BPI: variants seen among roughly 807,000 people sequenced by gnomAD.
The protein encoded by BPI is bactericidal permeability increasing protein.
BPI carries 48 observed loss-of-function variants against 57.6 expected under a neutral mutation model. The ratio of observed to expected loss-of-function variants is 0.83; its 90% CI spans 0.66 to 1.06. The LOEUF is 1.06. Ranked by LOEUF, BPI falls within the 50% of genes least tolerant of loss-of-function variation. The probability of loss-of-function intolerance (pLI) is 0.00; values close to 1 mark genes in which losing one functional copy is unlikely to be tolerated. For synonymous variants in BPI, 237 were observed against 238.2 expected (o/e 0.99, Z 0.05); for missense variants, 651 against 609.7 (o/e 1.07, Z -0.71).
At chr20:38,316,776 T>G (rs1460231495) in intron 5 of BPI, among the ~76,000 whole-genome samples, 1 of 152,186 alleles carries the variant, frequency 6.6e-6, no homozygotes, top group Non-Finnish European at 1.5e-5. Context: ...CATTGAAGGC[T>G]GTTCTTAGGG....
intron 7 of BPI, among the ~76,000 whole-genome samples, chr20:38,321,478 C>T (rs879705028): frequency 8.5e-5 from 13 of 152,052 alleles, no homozygotes; most frequent in African/African-American, 1.9e-4. Context: ...ACCTCTACCC[C>T]GCTGGCTTCT....
intron 9 of BPI, 36 bp from the exon 10 acceptor site, chr20:38,326,229 C>A: frequency 6.3e-7 from 1 of 1,585,530 alleles, no homozygotes; most frequent in African/African-American, 1.3e-5. Context: ...AACAGAAACT[C>A]CTCCTTTCGT....
intron 5 of BPI, among the ~76,000 whole-genome samples, chr20:38,312,161 T>G (rs545153627): frequency 3.3e-5 from 5 of 151,868 alleles, no homozygotes; most frequent in South Asian, 2.1e-4. Context: ...CAGCAAACTT[T>G]CCCTCATGCC....
chr20:38,325,598 C>T (rs1025209970), intron 9 of BPI, among the ~76,000 whole-genome samples: 5 of 152,184 alleles, frequency 3.3e-5, no homozygotes, highest in African/African-American at 9.7e-5. Flanking sequence ...TCGTTAGAGG[C>T]CCTTCTCCAA....
At chr20:38,307,285 T>C (rs538274698) in intron 1 of BPI, among the ~76,000 whole-genome samples, 35 of 152,300 alleles carry the variant, frequency 2.3e-4, no homozygotes, top group Non-Finnish European at 3.7e-4. Context: ...AAATAAAGTG[T>C]TATTGGAATA....
In BPI at chr20:38,309,170, T is replaced by C. The variant is rs1220599309; in HGVS notation, c.374+112T>C. ...TTTTTGCCTTGCCTATTACCACCTA[T>C]AGCCACAGCGTTCCTCAGGAAATTC... On this transcript the variant is annotated intron_variant, in intron 3 of 14. Transcript: ENST00000642449. The C allele has an allele frequency of 2.1e-6, 3 of 1,451,754 alleles. No homozygotes were observed. The African/African-American group carries it at 4.2e-5, about 20-fold the overall frequency. The allele number at this position is 1,451,754 out of a possible 1,614,324, so 89.9% of individuals were successfully genotyped here. A position where few individuals can be genotyped will look rare whatever the true frequency, so the allele number is the denominator to read the frequency against.
chr20:38,309,858 G>A (rs1259443795), intron 3 of BPI, among the ~76,000 whole-genome samples: 1 of 152,138 alleles, frequency 6.6e-6, no homozygotes, highest in East Asian at 1.9e-4. Flanking sequence ...GAAAATGGAG[G>A]AGAAACCACC....
Position 38,310,512 on chromosome 20 carries a change from C to A in BPI, c.396C>A (p.Asp132Glu). 6.2e-7 allele frequency: 1 copy of A among 1,613,618 alleles called. No individual in the cohort carries two copies. Among genetic ancestry groups the A allele is most frequent in the East Asian group, 2.2e-5 (1 of 44,870 alleles). The change falls in exon 4 of 15, where the codon GAC (aspartate) becomes GAA (glutamate). Residue 132 changes from aspartate to glutamate, a missense_variant. Transcript: ENST00000642449. ...KRFLKMSGNFDLSIEGMSISA... is the reference protein window; with the variant it reads ...KRFLKMSGNFELSIEGMSISA... ...TCAGAAAAATGAGCGGCAATTTTGA[C>A]CTGAGCATAGAAGGCATGTCCATTT... is the stretch of plus-strand genomic sequence containing the variant.
intron 1 of BPI, among the ~76,000 whole-genome samples, chr20:38,305,422 T>C (rs1385024863): frequency 6.6e-6 from 1 of 152,130 alleles, no homozygotes; most frequent in Admixed American, 6.5e-5. Context: ...TTTTCTGAAA[T>C]GCAGCAAATC....
chr20:38,323,232 AC>A (rs1458631097), intron 7 of BPI, among the ~76,000 whole-genome samples: 1 of 152,148 alleles, frequency 6.6e-6, no homozygotes, highest in Non-Finnish European at 1.5e-5. Context: ...GTGGTATCCT[AC>A]CATATGTATC....
At chr20:38,314,895 T>A (rs1352905287) in intron 5 of BPI, among the ~76,000 whole-genome samples, 1 of 151,628 alleles carries the variant, frequency 6.6e-6, no homozygotes, top group Non-Finnish European at 1.5e-5. Context: ...AGACTGATGA[T>A]GGTGATGGTG....
At chr20:38,335,814 T>TA (rs1277163877) in intron 14 of BPI, 140 bp downstream of exon 14, 4 of 795,178 alleles carry the variant, frequency 5.0e-6, no homozygotes, top group African/African-American at 3.5e-5. Flanking sequence ...TGGGTGCTGT[T>TA]AAAAAACAAA....
chr20:38,320,274 G>A lies in BPI; in HGVS notation c.756G>A (p.Lys252=). Residue 252 remains lysine (K), a splice_region_variant and synonymous_variant, in exon 7 of 15, where the codon AAG becomes AAA. Coordinates refer to ENST00000642449, the MANE Select transcript of BPI (RefSeq NM_001725.3). ...CTGAGACCCTGGATGTACAGATGAA[G>A]GTGAGGCTGACACTGAGAATCATAC... is the stretch of plus-strand genomic sequence containing the variant. The part of the protein sequence containing the change: ...TTAETLDVQM[K]GEFYSENHHN... 6.2e-7 allele frequency: 1 copy of A among 1,613,500 alleles called. No individual in the cohort carries two copies. The highest frequency in any genetic ancestry group is 8.5e-7 in the Non-Finnish European group (1 of 1,179,696).
At position 38,307,132 on chromosome 20, in the gene BPI, G is replaced by A. The variant is rs984455691; in HGVS notation, c.131-435G>A. 5.9e-5 allele frequency among the ~76,000 whole-genome samples: 9 copies of A among 152,244 alleles called. No individual in the cohort carries two copies. The East Asian group carries it at 9.7e-4, about 16-fold the overall frequency. ...GAGAATGACCTAAGTGCAGCGGGTC[G>A]AGGTTGCAGTGAGCCGTGATCATGC... On this transcript the variant is annotated intron_variant, in intron 1 of 14. Transcript: ENST00000642449.
chr20:38,329,239 C>T (rs2076730013), intron 11 of BPI, among the ~76,000 whole-genome samples: 1 of 152,036 alleles, frequency 6.6e-6, no homozygotes, highest in African/African-American at 2.4e-5. Flanking sequence ...GAGAAAGAGA[C>T]ACCATATGCA....
chr20:38,332,421 T>C (rs1350387141), intron 12 of BPI, among the ~76,000 whole-genome samples: 2 of 152,092 alleles, frequency 1.3e-5, no homozygotes, highest in Admixed American at 6.6e-5. Context: ...ATTTTGGAAG[T>C]AGATTTAGAG....
chr20:38,309,389 A>G (rs1349610043), intron 3 of BPI, among the ~76,000 whole-genome samples: 1 of 152,204 alleles, frequency 6.6e-6, no homozygotes, highest in Non-Finnish European at 1.5e-5. Context: ...GGCTTAAAAC[A>G]ACAATCGGCT....
In BPI at chr20:38,337,215, A is replaced by G. The variant is rs1131847; in HGVS notation, c.*31A>G. 982,390 of 1,564,274 alleles carry G rather than the reference A, an allele frequency of 0.63. 310,486 individuals carry two copies. Among genetic ancestry groups the G allele is most frequent in the African/African-American group, 0.77 (54,878 of 71,682 alleles). On this transcript the variant is annotated 3_prime_UTR_variant, in exon 15 of 15. Coordinates refer to ENST00000642449, the MANE Select transcript of BPI (RefSeq NM_001725.3). ...CCAGGGGTGCCGGGGGCTGTCAGCCACACCTGTTCCTGATGGGCTGTGGGG... is the reference window on the plus strand; with the variant it reads ...CCAGGGGTGCCGGGGGCTGTCAGCCGCACCTGTTCCTGATGGGCTGTGGGG...
chr20:38,309,195 C>A, intron 3 of BPI, 137 bp downstream of exon 3: 1 of 1,274,114 alleles, frequency 7.8e-7, no homozygotes, highest in South Asian at 1.4e-5. Context: ...TCAGGAAATT[C>A]TTCACATGAG....
Sources: gnomAD v4.1 joint callset for allele counts (sites outside exome capture counted in the v4.1 genomes callset) on GRCh38, gnomAD v4.1.1 for gene constraint, MANE v1.5 for transcripts, NCBI Gene and HGNC (gene_info 2026-07-23, HGNC 2026-07-21) for gene names.